Variants in G6PD observed in about 807,000 individuals in gnomAD.
The protein encoded by G6PD is glucose-6-phosphate dehydrogenase, also known as glucose-6-phosphate 1-dehydrogenase.
Under a neutral mutation model 38.2 loss-of-function variants are expected in G6PD, and 2 were observed. The observed-to-expected ratio is 0.05, with a 90% CI of 0.02 to 0.16. G6PD has a LOEUF of 0.16. Ranked by LOEUF, G6PD falls within the 10% of genes least tolerant of loss-of-function variation. The probability of loss-of-function intolerance (pLI) is 1.00; values close to 1 mark genes in which losing one functional copy is unlikely to be tolerated. For synonymous variants in G6PD, 188 were observed against 196.0 expected, an observed-to-expected ratio of 0.96 and a Z score of 0.34; for missense variants, 310 against 471.6, an observed-to-expected ratio of 0.66 and a Z score of 3.17.
At position 154,539,883 on chromosome X, in the gene G6PD, C is replaced by T. The variant is rs781994731; in HGVS notation, c.121-3705G>A. 5.5e-5 allele frequency among the ~76,000 whole-genome samples: 6 copies of T among 109,971 alleles called. No homozygotes were observed. The Admixed American group carries it at 5.8e-4, about 11-fold the overall frequency. On this transcript the variant is annotated intron_variant, in intron 2 of 12. Coordinates refer to ENST00000393562, the MANE Select transcript of G6PD (RefSeq NM_001360016.2). The stretch of plus-strand genomic sequence containing the variant: ...GACTCCAGGCACCTGCCACCACGCC[C>T]GGCTAATTTTTGTATTTTTACTAGA...
rs782481467 is a variant in G6PD, at chrX:154,546,817, C to T, written c.-37G>A. On this transcript the variant is annotated 5_prime_UTR_variant, in exon 1 of 13. Transcript: ENST00000393562. ...CGCTTCGTCGTCGTCGCCCTCCGCG[C>T]TCGCAGCCCCGAAGTGTACGACCGT... The T allele has an allele frequency of 2.5e-5, 29 of 1,161,560 alleles. No individual in the cohort carries two copies. Among genetic ancestry groups the T allele is most frequent in the Non-Finnish European group, 3.3e-5 (29 of 873,128 alleles).
chrX:154,547,355 C>T, upstream of G6PD: 11 of 755,198 alleles, frequency 1.5e-5, no homozygotes, highest in Non-Finnish European at 1.7e-5. Context: ...TTGATTCCTC[C>T]CCCGGAGAGG....
At chrX:154,547,136 T>G, upstream of G6PD, 1 of 150,002 alleles carries the variant, frequency 6.7e-6, no homozygotes, top group Non-Finnish European at 1.2e-5. Context: ...CGCATCCCCA[T>G]CGCCGGCCCG....
At chrX:154,536,106 G>A (rs781946650) in intron 3 of G6PD, 35 bp downstream of exon 3, 31 of 1,206,895 alleles carry the variant, frequency 2.6e-5, no homozygotes, top group East Asian at 1.5e-4. Context: ...TGTCCCTGGC[G>A]GGAGGTCACA....
At position 154,546,162 on chromosome X, in the gene G6PD, G is replaced by C. The variant is rs1557233228; in HGVS notation, c.-7C>G. Reference sequence around the variant, plus strand: ...GGGCCACCTGCTCTGCCATGACGCTGTCTGGTGGAAGAAAGGCTCGTTAAC... The same window carrying C: ...GGGCCACCTGCTCTGCCATGACGCTCTCTGGTGGAAGAAAGGCTCGTTAAC... On this transcript the variant is annotated splice_region_variant and 5_prime_UTR_variant, in exon 2 of 13. Coordinates refer to ENST00000393562, the MANE Select transcript of G6PD (RefSeq NM_001360016.2). 8.3e-7 allele frequency: 1 copy of C among 1,211,745 alleles called. No homozygotes were observed. The highest frequency in any genetic ancestry group is 2.2e-5 in the Admixed American group (1 of 46,116).
rs762515 is a variant in G6PD, at chrX:154,536,313, T to C, written c.121-135A>G. 0.028 allele frequency: 16,546 copies of C among 587,170 alleles called. 1,921 individuals carry two copies. In the African/African-American group the frequency reaches 0.33, roughly 12 times the overall value. The allele number at this position is 587,170 out of a possible 1,213,427, so 48.4% of individuals were successfully genotyped here. A position where few individuals can be genotyped will look rare whatever the true frequency, so the allele number is the denominator to read the frequency against. ...ACAAGCATGTCTGTCTTGCCTGATA[T>C]ACAGACAGAAGAGCCCCGAGATTCA... On this transcript the variant is annotated intron_variant, in intron 2 of 12. Coordinates refer to ENST00000393562, the MANE Select transcript of G6PD (RefSeq NM_001360016.2).
chrX:154,535,235 G>A lies in G6PD; in HGVS notation c.418C>T (p.Leu140=), dbSNP rs1479964074. The part of the protein sequence containing the change: ...LGSQANRLFY[L]ALPPTVYEAV... ...TCGTAGACGGTCGGGGGCAAGGCCA[G>A]GTAGAAGAGGCGGTTGGCCTGTGAC... Residue 140 remains leucine, a synonymous_variant, in exon 5 of 13, where the codon CTG becomes TTG. Transcript: ENST00000393562. 2 of 1,210,400 alleles carry A rather than the reference G, an allele frequency of 1.7e-6. No individual in the cohort carries two copies. The highest frequency in any genetic ancestry group is 1.7e-5 in the African/African-American group (1 of 57,274).
At position 154,533,133 on chromosome X, in the gene G6PD, G is replaced by C; in HGVS notation, c.865-5C>G. On this transcript the variant is annotated splice_region_variant and splice_polypyrimidine_tract_variant and intron_variant, in intron 8 of 12. Coordinates refer to ENST00000393562, the MANE Select transcript of G6PD (RefSeq NM_001360016.2). ...GATGCATTTCAACACCTTGACCTGA[G>C]AGAAAGCCAAGGGAGAGAATGGGCT... 8.3e-7 allele frequency: 1 copy of C among 1,211,501 alleles called. No homozygotes were observed. The highest frequency in any genetic ancestry group is 1.1e-6 in the Non-Finnish European group (1 of 895,048).
chrX:154,537,101 C>A (rs1025898852), intron 2 of G6PD, among the ~76,000 whole-genome samples: 2 of 110,394 alleles, frequency 1.8e-5, no homozygotes, highest in Admixed American at 9.6e-5. Context: ...GTCAGGAGAT[C>A]GAGACCATCC....
intron 2 of G6PD, among the ~76,000 whole-genome samples, chrX:154,543,513 G>C (rs1400705468): frequency 8.9e-6 from 1 of 111,954 alleles, no homozygotes; most frequent in Non-Finnish European, 1.9e-5. Context: ...TGAAGGCCAG[G>C]AGTCATAAGC....
In G6PD at chrX:154,546,167, G is replaced by C; in HGVS notation, c.-8-4C>G. On this transcript the variant is annotated splice_region_variant and splice_polypyrimidine_tract_variant and intron_variant, in intron 1 of 12. Coordinates refer to ENST00000393562, the MANE Select transcript of G6PD (RefSeq NM_001360016.2). Reference sequence around the variant, plus strand: ...ACCTGCTCTGCCATGACGCTGTCTGGTGGAAGAAAGGCTCGTTAACAAGGC... The same window carrying C: ...ACCTGCTCTGCCATGACGCTGTCTGCTGGAAGAAAGGCTCGTTAACAAGGC... The C allele has an allele frequency of 8.3e-7, 1 of 1,211,526 alleles. No homozygotes were observed. The highest frequency in any genetic ancestry group is 1.1e-6 in the Non-Finnish European group (1 of 895,561).
chrX:154,533,178 G>A (rs781813390), intron 8 of G6PD, 50 bp from the exon 9 acceptor site: 2 of 1,157,997 alleles, frequency 1.7e-6, no homozygotes, highest in Non-Finnish European at 2.4e-6. Context: ...TTGAGTTGGG[G>A]TGCAGGGATG....
At chrX:154,546,423 A>G (rs1483141538) in intron 1 of G6PD, among the ~76,000 whole-genome samples, 1 of 112,337 alleles carries the variant, frequency 8.9e-6, no homozygotes, top group Non-Finnish European at 1.9e-5. Flanking sequence ...TATTCCGACT[A>G]CAGCATCAAT....
At position 154,531,507 on chromosome X, in the gene G6PD, C is replaced by T. The variant is rs1254949811; in HGVS notation, c.*493G>A. The T allele has an allele frequency of 1.3e-5, 2 of 148,844 alleles. No homozygotes were observed. The highest frequency in any genetic ancestry group is 6.2e-5 in the African/African-American group (2 of 32,064). The allele number at this position is 148,844 out of a possible 1,213,427, so 12.3% of individuals were successfully genotyped here. ...GGTGGCACGGGGTGGCCATGGAGTG[C>T]AGAGTTGGTGGGACAGGGGACATCC... On this transcript the variant is annotated 3_prime_UTR_variant, in exon 13 of 13. Transcript: ENST00000393562.
chrX:154,531,606 A>G lies in G6PD; in HGVS notation c.*394T>C, dbSNP rs2070335482. 8.4e-6 allele frequency: 2 copies of G among 237,281 alleles called. No homozygotes were observed. The highest frequency in any genetic ancestry group is 1.5e-5 in the Non-Finnish European group (2 of 130,870). 19.6% of individuals were successfully genotyped at this position (237,281 alleles called of 1,213,427 possible). A position where few individuals can be genotyped will look rare whatever the true frequency, so the allele number is the denominator to read the frequency against. On this transcript the variant is annotated 3_prime_UTR_variant, in exon 13 of 13. Coordinates refer to ENST00000393562, the MANE Select transcript of G6PD (RefSeq NM_001360016.2). ...GGCTGGCGGGCAAGGCCACAGGCAG[A>G]TTCTCTCACGTGGGTGCTCGCCCCT...
intron 5 of G6PD, among the ~76,000 whole-genome samples, chrX:154,534,909 T>C (rs913874130): frequency 2.7e-5 from 3 of 112,190 alleles, no homozygotes; most frequent in Admixed American, 9.3e-5. Context: ...TCTGGCTGGG[T>C]TGGGAAACCA....
At chrX:154,544,153 G>A (rs1361895475) in intron 2 of G6PD, among the ~76,000 whole-genome samples, 2 of 108,422 alleles carry the variant, frequency 1.8e-5, no homozygotes, top group Admixed American at 9.9e-5. Flanking sequence ...GAGCCACTGC[G>A]CCCGGCCTTT....
chrX:154,547,149 C>G, upstream of G6PD: 1 of 165,682 alleles, frequency 6.0e-6, no homozygotes, highest in Non-Finnish European at 1.0e-5. Context: ...CCGGCCCGGC[C>G]CCGCCCCTAC....
chrX:154,535,482 G>C lies in G6PD; in HGVS notation c.268-97C>G, dbSNP rs1007464667. On this transcript the variant is annotated intron_variant, in intron 4 of 12. Coordinates refer to ENST00000393562, the MANE Select transcript of G6PD (RefSeq NM_001360016.2). ...CCAGGGGAGTGGAGGGTCTTCCCTG[G>C]AGGTCCAGGGAGGGTGCCCTCAGAA... 5.1e-6 allele frequency: 4 copies of C among 783,164 alleles called. No homozygotes were observed. In the Admixed American group the frequency reaches 1.1e-4, roughly 21 times the overall value. The allele number at this position is 783,164 out of a possible 1,213,427, so 64.5% of individuals were successfully genotyped here.
Sources: allele counts gnomAD v4.1 joint callset (sites outside exome capture counted in the v4.1 genomes callset), GRCh38; gene constraint gnomAD v4.1.1; transcripts MANE v1.5; gene names NCBI Gene and HGNC (gene_info 2026-07-23, HGNC 2026-07-21).